Variants in HS3ST4 observed in about 807,000 individuals in gnomAD.
HS3ST4 encodes the protein heparan sulfate-glucosamine 3-sulfotransferase 4.
HS3ST4 carries 17 observed loss-of-function variants against 29.2 expected under a neutral mutation model. The ratio of observed to expected loss-of-function variants is 0.58; its 90% CI spans 0.40 to 0.87. The LOEUF is 0.87. HS3ST4 is among the 40% of genes least tolerant of loss of function. The pLI is 0.00. For missense variants in HS3ST4, 627 were observed against 634.5 expected (o/e 0.99, Z 0.13); for synonymous variants, 314 against 285.7 (o/e 1.10, Z -1.00).
intron 1 of HS3ST4, among the ~76,000 whole-genome samples, chr16:26,122,192 A>C (rs888446347): frequency 6.6e-6 from 1 of 152,068 alleles, no homozygotes; most frequent in South Asian, 2.1e-4. Flanking sequence ...AAAAAAAAAA[A>C]AAAATCACAT....
At chr16:25,817,194 C>G (rs764732711) in intron 1 of HS3ST4, among the ~76,000 whole-genome samples, 5 of 152,184 alleles carry the variant, frequency 3.3e-5, no homozygotes, top group Non-Finnish European at 5.9e-5. Context: ...AATAACAGTA[C>G]TTGCCCAATG....
At chr16:25,719,841 A>T (rs1015384801) in intron 1 of HS3ST4, among the ~76,000 whole-genome samples, 3 of 152,196 alleles carry the variant, frequency 2.0e-5, no homozygotes, top group African/African-American at 4.8e-5. Context: ...TTATTTTTTT[A>T]AAATCTGTTC....
At chr16:26,038,686 G>GTATT (rs1194812230) in intron 1 of HS3ST4, among the ~76,000 whole-genome samples, 35 of 150,152 alleles carry the variant, frequency 2.3e-4, no homozygotes, top group Middle Eastern at 3.4e-3. Context: ...ATGTATGTAT[G>GTATT]TATTTATTTT....
At chr16:25,915,611 G>A (rs946313244) in intron 1 of HS3ST4, among the ~76,000 whole-genome samples, 1 of 152,178 alleles carries the variant, frequency 6.6e-6, no homozygotes, top group Non-Finnish European at 1.5e-5. Context: ...CAGGCTGGCT[G>A]ATTCTTACAT....
intron 1 of HS3ST4, among the ~76,000 whole-genome samples, chr16:26,134,916 T>C (rs1898259725): frequency 6.6e-6 from 1 of 152,242 alleles, no homozygotes; most frequent in Non-Finnish European, 1.5e-5. Context: ...AATATGTAAA[T>C]GAATGAATGT....
intron 1 of HS3ST4, among the ~76,000 whole-genome samples, chr16:25,780,699 A>G (rs1220982984): frequency 6.6e-6 from 1 of 152,204 alleles, no homozygotes; most frequent in African/African-American, 2.4e-5. Flanking sequence ...GGGGCGTTGC[A>G]TGTAAACTGT....
intron 1 of HS3ST4, among the ~76,000 whole-genome samples, chr16:25,764,900 T>C (rs1156890381): frequency 6.6e-6 from 1 of 152,262 alleles, no homozygotes; most frequent in African/African-American, 2.4e-5. Context: ...GTGGTATTAT[T>C]TGCAGTAAGA....
At chr16:25,883,908 A>T (rs920834398) in intron 1 of HS3ST4, among the ~76,000 whole-genome samples, 1 of 152,144 alleles carries the variant, frequency 6.6e-6, no homozygotes, top group East Asian at 1.9e-4. Context: ...TGGGGTCAGG[A>T]GATCGAGACC....
At chr16:25,897,309 C>G (rs1354205741) in intron 1 of HS3ST4, among the ~76,000 whole-genome samples, 1 of 151,954 alleles carries the variant, frequency 6.6e-6, no homozygotes. Flanking sequence ...CACAGATTAG[C>G]CAGGCATGGT....
chr16:25,796,191 C>T (rs1239907620), intron 1 of HS3ST4, among the ~76,000 whole-genome samples: 1 of 152,176 alleles, frequency 6.6e-6, no homozygotes, highest in Non-Finnish European at 1.5e-5. Context: ...ACAATTGTCC[C>T]TGCCTATCCT....
chr16:25,793,274 C>A (rs914982928), intron 1 of HS3ST4, among the ~76,000 whole-genome samples: 1 of 151,802 alleles, frequency 6.6e-6, no homozygotes, highest in East Asian at 1.9e-4. Context: ...TGCAGCATTG[C>A]GTATATTTCA....
intron 1 of HS3ST4, among the ~76,000 whole-genome samples, chr16:26,100,718 G>A (rs905940618): frequency 6.6e-6 from 1 of 152,086 alleles, no homozygotes; most frequent in African/African-American, 2.4e-5. Context: ...AACCAAACCC[G>A]AGTCATTAAT....
intron 1 of HS3ST4, among the ~76,000 whole-genome samples, chr16:26,094,388 G>A (rs1161908252): frequency 2.6e-5 from 4 of 152,198 alleles, no homozygotes; most frequent in Admixed American, 6.5e-5. Context: ...CCCACAAAGG[G>A]AAGCCCATCA....
intron 1 of HS3ST4, among the ~76,000 whole-genome samples, chr16:25,928,043 A>G: frequency 6.6e-6 from 1 of 151,058 alleles, no homozygotes; most frequent in South Asian, 2.1e-4. Flanking sequence ...GACAAAAAAA[A>G]AAAAAAAAAA....
At chr16:25,938,267 A>T (rs866601989) in intron 1 of HS3ST4, among the ~76,000 whole-genome samples, 27 of 152,200 alleles carry the variant, frequency 1.8e-4, no homozygotes, top group Non-Finnish European at 2.2e-4. Flanking sequence ...AGCTCTCCGG[A>T]ACAGCTGGGA....
chr16:26,011,718 GAGAGGT>G (rs1969313008), intron 1 of HS3ST4, among the ~76,000 whole-genome samples: 1 of 99,150 alleles, frequency 1.0e-5, no homozygotes, highest in African/African-American at 4.3e-5. Context: ...GAGAGACAGA[GAGAGGT>G]GTGTGTGTGT....
At chr16:25,788,540 CTTTCT>C (rs1966861279) in intron 1 of HS3ST4, among the ~76,000 whole-genome samples, 4 of 99,068 alleles carry the variant, frequency 4.0e-5, no homozygotes, top group South Asian at 7.3e-4. Context: ...TTCTTTTCTT[CTTTCT>C]TTTTTTTTTT....
chr16:25,723,287 A>C (rs1966509546), intron 1 of HS3ST4, among the ~76,000 whole-genome samples: 1 of 152,242 alleles, frequency 6.6e-6, no homozygotes. Context: ...GTCAGTTATC[A>C]ATATAAATAT....
chr16:26,092,385 C>G (rs1898868243), intron 1 of HS3ST4, among the ~76,000 whole-genome samples: 1 of 152,142 alleles, frequency 6.6e-6, no homozygotes. Flanking sequence ...AACATGGTTC[C>G]CACTGCTCCA....
Sources: gnomAD v4.1 joint callset for allele counts (sites outside exome capture counted in the v4.1 genomes callset) on GRCh38, gnomAD v4.1.1 for gene constraint, MANE v1.5 for transcripts, NCBI Gene and HGNC (gene_info 2026-07-23, HGNC 2026-07-21) for gene names.